The following FRMD4B variants were observed in gnomAD, a reference collection of about 807,000 sequenced individuals.
FRMD4B encodes FERM domain containing 4B, also known as FERM domain-containing protein 4B.
A neutral mutation model predicts 141.5 loss-of-function variants in FRMD4B; 74 were observed. That is an observed-to-expected ratio of 0.52 (90% CI 0.43 to 0.63). The LOEUF (loss-of-function observed/expected upper bound fraction) is 0.63, where lower values mean the gene tolerates loss of function less well. Ranked by LOEUF, FRMD4B falls within the 30% of genes least tolerant of loss-of-function variation. The pLI, the probability that FRMD4B is intolerant of heterozygous loss-of-function variation, is 0.00. For missense variants in FRMD4B, 1,366 were observed against 1,253.4 expected, an observed-to-expected ratio of 1.09 and a Z score of -1.36; for synonymous variants, 506 against 467.9, an observed-to-expected ratio of 1.08 and a Z score of -1.05.
chr3:69,327,013 G>A (rs1001104875), intron 1 of FRMD4B, among the ~76,000 whole-genome samples: 14 of 152,114 alleles, frequency 9.2e-5, no homozygotes, highest in African/African-American at 2.7e-4. Context: ...AACAGGAAAA[G>A]TCACAAAAAT....
chr3:69,516,658 G>A (rs914643776), intron 1 of FRMD4B, among the ~76,000 whole-genome samples: 13 of 152,190 alleles, frequency 8.5e-5, no homozygotes, highest in Non-Finnish European at 1.9e-4. Flanking sequence ...CATTAAACTT[G>A]TGGTAATTTG....
intron 11 of FRMD4B, among the ~76,000 whole-genome samples, chr3:69,214,341 G>A (rs908930234): frequency 2.0e-5 from 3 of 152,114 alleles, no homozygotes; most frequent in African/African-American, 4.8e-5. Flanking sequence ...GATAATGCAG[G>A]TAGCTGACCA....
At chr3:69,529,237 GA>G (rs986956088) in intron 1 of FRMD4B, among the ~76,000 whole-genome samples, 35 of 152,192 alleles carry the variant, frequency 2.3e-4, no homozygotes, top group African/African-American at 8.4e-4. Context: ...ATTTTTAAAA[GA>G]AACCAAGGAT....
intron 12 of FRMD4B, chr3:69,198,457 C>T (rs1268165184): frequency 3.1e-5 from 14 of 456,524 alleles, no homozygotes; most frequent in East Asian, 2.8e-4. Context: ...GAGGATGTGT[C>T]GGCATTGGAA....
At chr3:69,399,251 T>C (rs186756653) in intron 2 of FRMD4B, among the ~76,000 whole-genome samples, 33 of 152,284 alleles carry the variant, frequency 2.2e-4, no homozygotes, top group Non-Finnish European at 1.3e-4. Context: ...TGGAAGCTTG[T>C]TTGTGGTCCA....
chr3:69,484,499 AGAG>A (rs1442666827), intron 1 of FRMD4B, among the ~76,000 whole-genome samples: 20 of 152,188 alleles, frequency 1.3e-4, no homozygotes, highest in Admixed American at 1.2e-3. Flanking sequence ...AACAAGATGA[AGAG>A]GAGATTTATT....
At chr3:69,174,339 G>C (rs2092621135) in intron 22 of FRMD4B, among the ~76,000 whole-genome samples, 1 of 152,082 alleles carries the variant, frequency 6.6e-6, no homozygotes, top group Non-Finnish European at 1.5e-5. Context: ...ATGATGTTAA[G>C]TTTTTAAAAA....
chr3:69,313,281 T>C (rs1175521843), intron 2 of FRMD4B, among the ~76,000 whole-genome samples, 171 bp downstream of exon 2: 2 of 152,226 alleles, frequency 1.3e-5, no homozygotes, highest in Non-Finnish European at 2.9e-5. Context: ...TTCGAAGATG[T>C]TTTTTTCCCC....
At chr3:69,466,482 A>G (rs1705788425) in intron 1 of FRMD4B, among the ~76,000 whole-genome samples, 1 of 152,148 alleles carries the variant, frequency 6.6e-6, no homozygotes, top group South Asian at 2.1e-4. Flanking sequence ...TACACACTGA[A>G]ATATTTTCAG....
intron 4 of FRMD4B, among the ~76,000 whole-genome samples, chr3:69,290,417 C>T (rs1444961712): frequency 6.6e-6 from 1 of 152,164 alleles, no homozygotes; most frequent in African/African-American, 2.4e-5. Context: ...AGCCGAGTCA[C>T]TTGTGATGGC....
chr3:69,200,657 T>C lies in FRMD4B; in HGVS notation c.877-1883A>G, dbSNP rs994414557. The C allele has an allele frequency of 7.2e-6, 9 of 1,243,038 alleles. No homozygotes were observed. In the African/African-American group the frequency reaches 1.1e-4, roughly 15 times the overall value. The allele number at this position is 1,243,038 out of a possible 1,614,324, so 77.0% of individuals were successfully genotyped here. A position where few individuals can be genotyped will look rare whatever the true frequency, so the allele number is the denominator to read the frequency against. The stretch of plus-strand genomic sequence containing the variant: ...CCCATCAGGGAGAGGAGGGCAAAGT[T>C]CTCAGTGGCAGATTTTCCCAGAAAA... On this transcript the variant is annotated intron_variant, in intron 11 of 22. Coordinates refer to ENST00000398540, the MANE Select transcript of FRMD4B (RefSeq NM_015123.3).
chr3:69,324,863 CG>C (rs77202778), intron 1 of FRMD4B, among the ~76,000 whole-genome samples: 48,810 of 150,532 alleles, frequency 0.32, 9,302 homozygotes, highest in East Asian at 0.59. Context: ...AAGGCTGAGG[CG>C]GGGGGGGATT....
At chr3:69,330,708 G>A (rs916622778) in intron 1 of FRMD4B, among the ~76,000 whole-genome samples, 1 of 151,662 alleles carries the variant, frequency 6.6e-6, no homozygotes, top group Non-Finnish European at 1.5e-5. Flanking sequence ...TGTTGCCCAG[G>A]CTGGTTTTGA....
chr3:69,464,821 A>C (rs1490484351), intron 1 of FRMD4B, among the ~76,000 whole-genome samples: 2 of 152,206 alleles, frequency 1.3e-5, no homozygotes, highest in Non-Finnish European at 2.9e-5. Context: ...ACAAGCATCA[A>C]ACAGAACACT....
Position 69,425,700 on chromosome 3 carries a change from T to G in FRMD4B, c.-1+6934A>C, listed in dbSNP as rs75565090. On this transcript the variant is annotated intron_variant, in intron 2 of 5. Coordinates refer to the FRMD4B transcript ENST00000459638. ...CAATCCTCACTGTGATGTTTTGCAC[T>G]TGGTACAAAGTAGATGCACAATAAT... Among the ~76,000 whole-genome samples the G allele has an allele frequency of 3.7e-3, 561 of 152,314 alleles. 2 individuals are homozygous for G. Among genetic ancestry groups the G allele is most frequent in the African/African-American group, 0.013 (522 of 41,572 alleles).
Position 69,169,310 on chromosome 3 carries a change from C to T in FRMD4B, c.*2551G>A, listed in dbSNP as rs7609655. 0.91 allele frequency among the ~76,000 whole-genome samples: 137,578 copies of T among 150,362 alleles called. 63,826 individuals carry two copies. Among genetic ancestry groups the T allele is most frequent in the Non-Finnish European group, 1 (67,681 of 67,890 alleles). On this transcript the variant is annotated 3_prime_UTR_variant, in exon 23 of 23. Coordinates refer to ENST00000398540, the MANE Select transcript of FRMD4B (RefSeq NM_015123.3). ...GTTGAGAAATGTTTTTCAAAAGAGACGAAGAAAACCGTGCAGTAGGATTGC... is the reference window on the plus strand; with the variant it reads ...GTTGAGAAATGTTTTTCAAAAGAGATGAAGAAAACCGTGCAGTAGGATTGC...
At chr3:69,488,564 T>C (rs1362396326) in intron 1 of FRMD4B, among the ~76,000 whole-genome samples, 2 of 152,124 alleles carry the variant, frequency 1.3e-5, no homozygotes, top group Admixed American at 1.3e-4. Context: ...CCCTACTTCA[T>C]ATCATATAGA....
At chr3:69,456,862 GT>G (rs1411114802) in intron 1 of FRMD4B, among the ~76,000 whole-genome samples, 14 of 151,820 alleles carry the variant, frequency 9.2e-5, no homozygotes, top group African/African-American at 3.4e-4. Flanking sequence ...TCTTTTACAT[GT>G]TGTCTATGGC....
intron 1 of FRMD4B, among the ~76,000 whole-genome samples, chr3:69,329,692 TA>T (rs1207185255): frequency 6.6e-6 from 1 of 150,742 alleles, no homozygotes; most frequent in African/African-American, 2.5e-5. Context: ...CAGGCCTGGC[TA>T]ATTTTTTTTT....
Sources: gnomAD v4.1 joint callset for allele counts (sites outside exome capture counted in the v4.1 genomes callset) on GRCh38, gnomAD v4.1.1 for gene constraint, MANE v1.5 for transcripts, NCBI Gene and HGNC (gene_info 2026-07-23, HGNC 2026-07-21) for gene names.